PITPNC1: variants seen among roughly 807,000 people sequenced by gnomAD.
PITPNC1 encodes cytoplasmic phosphatidylinositol transfer protein 1.
In PITPNC1, 18 loss-of-function variants were observed where a neutral mutation model predicts 44.7. The observed-to-expected ratio is 0.40, with a 90% CI of 0.28 to 0.60. PITPNC1 has a LOEUF of 0.60. Ranked by LOEUF, PITPNC1 falls within the 20% of genes least tolerant of loss-of-function variation. The pLI is 0.39. For synonymous variants in PITPNC1, 141 were observed against 149.6 expected (o/e 0.94, Z 0.42); for missense variants, 290 against 418.4 (o/e 0.69, Z 2.68).
chr17:67,644,266 G>A (rs1340083362), intron 6 of PITPNC1, among the ~76,000 whole-genome samples: 1 of 152,054 alleles, frequency 6.6e-6, no homozygotes, highest in Non-Finnish European at 1.5e-5. Flanking sequence ...TGCTATCTCT[G>A]TCTGCCACGA....
rs2042965570 is a variant in PITPNC1 at position 67,693,600 on chromosome 17, A to G, written c.*712A>G. ...GAATTGCATGGATGAATGTGACCAT[A>G]ACTGATTTTGGAATGGTTCAGTTTA... On this transcript the variant is annotated 3_prime_UTR_variant, in exon 9 of 9. Coordinates refer to ENST00000581322, the MANE Select transcript of PITPNC1 (RefSeq NM_012417.4). The G allele has an allele frequency of 6.6e-6, 1 of 152,496 alleles. No homozygotes were observed. 9.4% of individuals were successfully genotyped at this position (152,496 alleles called of 1,614,324 possible).
rs142721215 is a variant in PITPNC1, at chr17:67,425,034, C to G, written c.48+46832C>G. 1.7e-3 allele frequency among the ~76,000 whole-genome samples: 260 copies of G among 152,060 alleles called. 1 individual carries two copies. The highest frequency in any genetic ancestry group is 5.7e-3 in the African/African-American group (235 of 41,476). On this transcript the variant is annotated intron_variant, in intron 1 of 8. Coordinates refer to ENST00000581322, the MANE Select transcript of PITPNC1 (RefSeq NM_012417.4). ...AATTCTCCCCACCCTTAAGAATGTA[C>G]TTTGTGAGATCCACCCCCTGCCTGC...
At chr17:67,440,915 A>G (rs1034705302) in intron 1 of PITPNC1, among the ~76,000 whole-genome samples, 5 of 152,128 alleles carry the variant, frequency 3.3e-5, no homozygotes, top group Non-Finnish European at 7.3e-5. Flanking sequence ...ATGACACCCA[A>G]TAAATACCAA....
chr17:67,635,113 G>A (rs1286427050), intron 6 of PITPNC1, among the ~76,000 whole-genome samples: 4 of 151,968 alleles, frequency 2.6e-5, no homozygotes, highest in Non-Finnish European at 5.9e-5. Flanking sequence ...ATGAAGCTGA[G>A]GTGTCATAGG....
chr17:67,483,735 T>G (rs1178285960), intron 1 of PITPNC1, among the ~76,000 whole-genome samples: 1 of 152,196 alleles, frequency 6.6e-6, no homozygotes, highest in East Asian at 1.9e-4. Flanking sequence ...ATTGGTAGCC[T>G]TCAAGCCCTG....
At chr17:67,527,265 G>T (rs1303624838) in intron 1 of PITPNC1, among the ~76,000 whole-genome samples, 1 of 152,134 alleles carries the variant, frequency 6.6e-6, no homozygotes, top group Non-Finnish European at 1.5e-5. Flanking sequence ...CTGAAGTTGT[G>T]TGGACTAGAA....
In PITPNC1 at chr17:67,425,195, ACG is replaced by A. The variant is rs776192271; in HGVS notation, c.48+46995_48+46996del. Among the ~76,000 whole-genome samples the A allele has an allele frequency of 3.3e-4, 39 of 116,482 alleles. 1 individual carries two copies. The highest frequency in any genetic ancestry group is 1.4e-3 in the South Asian group (4 of 2,876). The allele number at this position is 116,482 out of a possible 152,430, so 76.4% of individuals were successfully genotyped here. A position where few individuals can be genotyped will look rare whatever the true frequency, so the allele number is the denominator to read the frequency against. ...ATAAACAGCCATGTTGTGCGCGCGC[ACG>A]CACACGCACACACACACACACACAC... On this transcript the variant is annotated intron_variant, in intron 1 of 8. Coordinates refer to ENST00000581322, the MANE Select transcript of PITPNC1 (RefSeq NM_012417.4).
At chr17:67,624,804 G>T (rs1173196442) in intron 5 of PITPNC1, among the ~76,000 whole-genome samples, 1 of 152,144 alleles carries the variant, frequency 6.6e-6, no homozygotes, top group Non-Finnish European at 1.5e-5. Flanking sequence ...GATTACAGGT[G>T]TGAGCCACCA....
At chr17:67,492,118 A>G (rs2039873685) in intron 1 of PITPNC1, among the ~76,000 whole-genome samples, 1 of 152,124 alleles carries the variant, frequency 6.6e-6, no homozygotes, top group Non-Finnish European at 1.5e-5. Context: ...TAAGACATAC[A>G]GTCAGAAAAG....
At chr17:67,624,133 A>C (rs2144318122) in intron 5 of PITPNC1, among the ~76,000 whole-genome samples, 1 of 151,918 alleles carries the variant, frequency 6.6e-6, no homozygotes, top group Non-Finnish European at 1.5e-5. Context: ...ATTTTTCTTG[A>C]CATTATAATA....
chr17:67,642,379 G>T (rs2042101484), intron 6 of PITPNC1, among the ~76,000 whole-genome samples: 1 of 152,150 alleles, frequency 6.6e-6, no homozygotes, highest in African/African-American at 2.4e-5. Context: ...GATGGTGAGG[G>T]CAAGCTCCTG....
intron 6 of PITPNC1, among the ~76,000 whole-genome samples, chr17:67,644,831 C>G (rs1347540182): frequency 1.3e-5 from 2 of 152,114 alleles, no homozygotes. Context: ...AAGTAAAACA[C>G]CAGAACTTCT....
At chr17:67,684,641 C>T (rs1438538917) in intron 8 of PITPNC1, among the ~76,000 whole-genome samples, 1 of 151,906 alleles carries the variant, frequency 6.6e-6, no homozygotes, top group African/African-American at 2.4e-5. Context: ...ATGCTATATA[C>T]AGTTCTTTTT....
chr17:67,474,311 G>A (rs1037452688), intron 1 of PITPNC1, among the ~76,000 whole-genome samples: 6 of 152,178 alleles, frequency 3.9e-5, no homozygotes, highest in East Asian at 1.9e-4. Context: ...TGTCTTCTCC[G>A]TCAAGATGTT....
chr17:67,525,981 G>C (rs2040387079), intron 1 of PITPNC1, among the ~76,000 whole-genome samples: 1 of 152,194 alleles, frequency 6.6e-6, no homozygotes, highest in African/African-American at 2.4e-5. Context: ...TGATGGTAAA[G>C]GCCAAAGTAA....
intron 4 of PITPNC1, among the ~76,000 whole-genome samples, chr17:67,567,985 G>A (rs1346041231): frequency 6.6e-6 from 1 of 151,932 alleles, no homozygotes; most frequent in Non-Finnish European, 1.5e-5. Flanking sequence ...AAGAAAGAAA[G>A]AAAGGAGAAG....
intron 1 of PITPNC1, among the ~76,000 whole-genome samples, chr17:67,520,129 G>A (rs147095347): frequency 2.6e-5 from 4 of 152,226 alleles, no homozygotes; most frequent in East Asian, 1.9e-4. Flanking sequence ...GCTACCAGCC[G>A]TTTTCATTAA....
chr17:67,510,038 GAT>G (rs368048295), intron 1 of PITPNC1, among the ~76,000 whole-genome samples: 69 of 152,348 alleles, frequency 4.5e-4, no homozygotes, highest in African/African-American at 1.6e-3. Context: ...ATTTTGGAAA[GAT>G]AGGAGGTTCC....
chr17:67,416,745 A>G (rs962436747), intron 1 of PITPNC1, among the ~76,000 whole-genome samples: 1 of 152,170 alleles, frequency 6.6e-6, no homozygotes, highest in African/African-American at 2.4e-5. Flanking sequence ...CCATTCAAGA[A>G]CAACTTATAT....
Sources: allele counts gnomAD v4.1 joint callset (sites outside exome capture counted in the v4.1 genomes callset), GRCh38; gene constraint gnomAD v4.1.1; transcripts MANE v1.5; gene names NCBI Gene and HGNC (gene_info 2026-07-23, HGNC 2026-07-21).